The following BID variants were observed in gnomAD, a reference collection of about 807,000 sequenced individuals.
The protein encoded by BID is BH3-interacting domain death agonist.
In BID, 19 loss-of-function variants were observed where a neutral mutation model predicts 17.4. The observed-to-expected ratio is 1.09, with a 90% confidence interval of 0.76 to 1.60. The LOEUF is 1.60. BID is among the 40% of genes most tolerant of loss of function. BID has a pLI of 0.00. For synonymous variants in BID, 108 were observed against 102.8 expected (o/e 1.05, Z -0.31); for missense variants, 226 against 256.0 (o/e 0.88, Z 0.80).
At chr22:17,758,086 G>A (rs562527646) in intron 1 of BID, among the ~76,000 whole-genome samples, 49 of 152,336 alleles carry the variant, frequency 3.2e-4, no homozygotes, top group African/African-American at 9.9e-4. Flanking sequence ...GCCTCCTGGG[G>A]GGTCCTTGAA....
At position 17,741,480 on chromosome 22, in the gene BID, CT is replaced by C. The variant is rs1218261473; in HGVS notation, c.224-1993del. Among the ~76,000 whole-genome samples, 7 of 144,362 alleles carry C rather than the reference CT, an allele frequency of 4.8e-5. No individual in the cohort carries two copies. The South Asian group carries it at 6.8e-4, about 14-fold the overall frequency. 94.7% of individuals were successfully genotyped at this position (144,362 alleles called of 152,430 possible). ...ACTACTCACTGTAGCTTTTTTTTTT[CT>C]TTTTTTTTTCAAGACATAGTCTCAC... is the stretch of plus-strand genomic sequence containing the variant. On this transcript the variant is annotated intron_variant, in intron 3 of 5. Transcript: ENST00000622694.
In BID at chr22:17,761,039, G is replaced by T. The variant is rs182630107; in HGVS notation, c.-58-10865C>A. 2.0e-5 allele frequency among the ~76,000 whole-genome samples: 3 copies of T among 152,270 alleles called. No homozygotes were observed. In the East Asian group the frequency reaches 5.8e-4, roughly 29 times the overall value. On this transcript the variant is annotated intron_variant, in intron 1 of 5. Transcript: ENST00000622694. ...ACCGAACCAAGGAGCTGTGGCCAGCGTCTCTTGTGATTTGACAACCACTCT... is the reference window on the plus strand; with the variant it reads ...ACCGAACCAAGGAGCTGTGGCCAGCTTCTCTTGTGATTTGACAACCACTCT...
At chr22:17,772,866 C>T (rs1180896242) in intron 1 of BID, among the ~76,000 whole-genome samples, 1 of 152,138 alleles carries the variant, frequency 6.6e-6, no homozygotes, top group Non-Finnish European at 1.5e-5. Context: ...ACCCTGGGGC[C>T]ATGCCCCGCT....
At chr22:17,755,345 T>C (rs2061574486) in intron 1 of BID, among the ~76,000 whole-genome samples, 2 of 152,104 alleles carry the variant, frequency 1.3e-5, no homozygotes, top group Admixed American at 6.5e-5. Flanking sequence ...AACCCGGAAA[T>C]GTGAACACAC....
intron 1 of BID, among the ~76,000 whole-genome samples, chr22:17,767,998 A>C (rs1485649600): frequency 6.6e-6 from 1 of 152,218 alleles, no homozygotes; most frequent in Non-Finnish European, 1.5e-5. Context: ...ACATGAGTTG[A>C]AAATATGCTA....
upstream of BID, chr22:17,774,497 G>GC (rs953801323): frequency 2.8e-5 from 7 of 253,010 alleles, no homozygotes; most frequent in Non-Finnish European, 5.0e-5. Flanking sequence ...TCCTCCTTCG[G>GC]CCCCCCACGC....
chr22:17,738,410 C>T (rs1020272398), intron 4 of BID, among the ~76,000 whole-genome samples, 181 bp from the exon 5 acceptor site: 3 of 152,212 alleles, frequency 2.0e-5, no homozygotes, highest in African/African-American at 7.2e-5. Flanking sequence ...CAATCACTCC[C>T]TGCAGGGGGC....
Position 17,750,267 on chromosome 22 carries a change from A to G in BID, c.-58-93T>C, listed in dbSNP as rs9617615. Reference sequence around the variant, plus strand: ...GACGAAGCTGGCCTGTGCTCCAGAAATGGCGGCTGAGCCGAGGTCCTGGCC... The same window carrying G: ...GACGAAGCTGGCCTGTGCTCCAGAAGTGGCGGCTGAGCCGAGGTCCTGGCC... On this transcript the variant is annotated intron_variant, in intron 1 of 5. Transcript: ENST00000622694. 3.7e-4 allele frequency: 415 copies of G among 1,110,562 alleles called. 2 individuals carry two copies. The African/African-American group carries it at 5.8e-3, about 15-fold the overall frequency. The allele number at this position is 1,110,562 out of a possible 1,614,324, so 68.8% of individuals were successfully genotyped here. A position where few individuals can be genotyped will look rare whatever the true frequency, so the allele number is the denominator to read the frequency against.
intron 4 of BID, among the ~76,000 whole-genome samples, 198 bp downstream of exon 4, chr22:17,739,151 G>T (rs1475454710): frequency 6.9e-6 from 1 of 144,474 alleles, no homozygotes; most frequent in African/African-American, 2.5e-5. Context: ...TAAGGTTCAG[G>T]TTTCCTCGAT....
intron 1 of BID, among the ~76,000 whole-genome samples, chr22:17,762,366 G>A (rs1377392188): frequency 1.3e-5 from 2 of 152,008 alleles, no homozygotes; most frequent in Non-Finnish European, 2.9e-5. Context: ...GCATGATGGC[G>A]TGCACCTGTA....
intron 5 of BID, 41 bp from the exon 6 acceptor site, chr22:17,735,632 C>A: frequency 6.2e-7 from 1 of 1,613,570 alleles, no homozygotes; most frequent in Non-Finnish European, 8.5e-7. Context: ...CAGCTAGGCT[C>A]ATTCACAAAC....
chr22:17,774,510 G>GGGCCCGCCCCGGCCCGCCCC (rs8190266), upstream of BID: 10 of 206,946 alleles, frequency 4.8e-5, no homozygotes, highest in African/African-American at 9.5e-5. Context: ...CCCCACGCCC[G>GGGCCCGCCCCGGCCCGCCCC]GGCCCGCCCC....
intron 1 of BID, among the ~76,000 whole-genome samples, chr22:17,764,865 G>T (rs1439103265): frequency 6.6e-6 from 1 of 152,194 alleles, no homozygotes; most frequent in Non-Finnish European, 1.5e-5. Context: ...AGAGAAATAA[G>T]CGGTAGCATC....
At chr22:17,739,176 A>G (rs994604553) in intron 4 of BID, among the ~76,000 whole-genome samples, 173 bp downstream of exon 4, 28 of 151,926 alleles carry the variant, frequency 1.8e-4, no homozygotes, top group Non-Finnish European at 3.2e-4. Flanking sequence ...ACCAGCTGAA[A>G]TCTTCTGCAA....
intron 3 of BID, chr22:17,740,287 G>A (rs1479009473): frequency 6.3e-6 from 6 of 953,772 alleles, no homozygotes; most frequent in Non-Finnish European, 9.8e-6. Flanking sequence ...ATAAACAATG[G>A]CAGGGACCAG....
At chr22:17,741,650 T>TA (rs1328323922) in intron 3 of BID, among the ~76,000 whole-genome samples, 4 of 151,302 alleles carry the variant, frequency 2.6e-5, no homozygotes, top group South Asian at 2.1e-4. Flanking sequence ...TTTTTATATA[T>TA]TTTTTTTAGT....
At chr22:17,760,451 CAAAAAAAAAAA>C (rs55817445) in intron 1 of BID, among the ~76,000 whole-genome samples, 7 of 30,766 alleles carry the variant, frequency 2.3e-4, no homozygotes, top group African/African-American at 3.3e-4. Flanking sequence ...GACTCTGTCT[CAAAAAAAAAAA>C]AAAAAAAAAA....
intron 1 of BID, among the ~76,000 whole-genome samples, chr22:17,764,578 T>A (rs1323240575): frequency 6.6e-6 from 1 of 152,228 alleles, no homozygotes; most frequent in Non-Finnish European, 1.5e-5. Flanking sequence ...CAATTCTGAG[T>A]GTTACACACA....
At chr22:17,761,938 A>G (rs530379376) in intron 1 of BID, among the ~76,000 whole-genome samples, 1 of 152,240 alleles carries the variant, frequency 6.6e-6, no homozygotes, top group South Asian at 2.1e-4. Flanking sequence ...ACACTGGTAA[A>G]TCGCTTTAGG....
Sources: allele counts gnomAD v4.1 joint callset (sites outside exome capture counted in the v4.1 genomes callset), GRCh38; gene constraint gnomAD v4.1.1; transcripts MANE v1.5; gene names NCBI Gene and HGNC (gene_info 2026-07-23, HGNC 2026-07-21).